Variants in DPYSL2 observed in about 807,000 individuals in gnomAD.
DPYSL2 encodes the protein dihydropyrimidinase like 2.
A neutral mutation model predicts 69.9 loss-of-function variants in DPYSL2; 13 were observed. The observed-to-expected ratio is 0.19, with a 90% CI of 0.12 to 0.30. The LOEUF is 0.30. Ranked by LOEUF, DPYSL2 falls within the 10% of genes least tolerant of loss-of-function variation. The pLI, the probability that DPYSL2 is intolerant of heterozygous loss-of-function variation, is 1.00. For synonymous variants in DPYSL2, 326 were observed against 359.1 expected, an observed-to-expected ratio of 0.91 and a Z score of 1.04; for missense variants, 587 against 918.9, an observed-to-expected ratio of 0.64 and a Z score of 4.67.
At position 26,516,612 on chromosome 8, in the gene DPYSL2, T is replaced by C. The variant is rs1417674749; in HGVS notation, c.354+1933T>C. 6.6e-6 allele frequency among the ~76,000 whole-genome samples: 1 copy of C among 152,204 alleles called. No homozygotes were observed. The highest frequency in any genetic ancestry group is 1.5e-5 in the Non-Finnish European group (1 of 68,036). On this transcript the variant is annotated intron_variant, in intron 1 of 13. Transcript: ENST00000521913. This position sits in a 1 kb window ranked among gnomAD's most constrained non-coding sequence, Gnocchi z 4.8. ...AGCTTAGATATATGAAATTCTAAAT[T>C]GTAAAACTAAGGCACGCAGAGGGGG...
At position 26,647,654 on chromosome 8, in the gene DPYSL2, C is replaced by G; in HGVS notation, c.1450C>G (p.Gln484Glu). The G allele has an allele frequency of 6.2e-7, 1 of 1,613,494 alleles. No individual in the cohort carries two copies. Among genetic ancestry groups the G allele is most frequent in the Non-Finnish European group, 8.5e-7 (1 of 1,179,688 alleles). ...GGTCACTGGGAAGATGGATGAGAAC[C>G]AGTTTGTGGCTGTGACCAGCACCAA... ...AVVTGKMDEN[Q>E]FVAVTSTNAA... Residue 484 changes from glutamine (Q) to glutamate (E), a missense_variant, in exon 11 of 14, where the codon CAG becomes GAG. Transcript: ENST00000521913. This position sits in a 1 kb window ranked among gnomAD's most constrained non-coding sequence, Gnocchi z 5.1.
rs1226282497 is a variant in DPYSL2 at position 26,588,271 on chromosome 8, C to T, written c.628+4288C>T. ...TCACTGAGAGCAGGCGCTGTCTAGG[C>T]GTGGCTGGCGGACTGTGTGCTTTGT... On this transcript the variant is annotated intron_variant, in intron 3 of 13. Transcript: ENST00000521913. The surrounding 1 kb of genome is among the most constrained non-coding windows in gnomAD (Gnocchi z 5.4). Among the ~76,000 whole-genome samples the T allele has an allele frequency of 2.0e-5, 3 of 152,180 alleles. No homozygotes were observed. Among genetic ancestry groups the T allele is most frequent in the African/African-American group, 4.8e-5 (2 of 41,448 alleles).
chr8:26,652,347 A>G lies in DPYSL2; in HGVS notation c.1687A>G (p.Thr563Ala). 1.2e-6 allele frequency: 2 copies of G among 1,614,218 alleles called. No homozygotes were observed. The highest frequency in any genetic ancestry group is 1.7e-6 in the Non-Finnish European group (2 of 1,180,044). The change falls in exon 12 of 14, where the codon ACC becomes GCC. Residue 563 changes from threonine (T) to alanine (A), a missense_variant. This residue lies in a region of DPYSL2 where 452 missense variants were observed against 754.3 expected (regional missense o/e 0.60). Coordinates refer to ENST00000521913, the MANE Select transcript of DPYSL2 (RefSeq NM_001197293.3). This position sits in a 1 kb window ranked among gnomAD's most constrained non-coding sequence, Gnocchi z 6.3. ...GGGGAAGATTGTCCTGGAGGACGGC[A>G]CCCTGCATGTCACCGAAGGCTCTGG... ...SQGKIVLEDG[T>A]LHVTEGSGRY... is the part of the protein sequence containing the mutation.
rs534235420 is a variant in DPYSL2, at chr8:26,638,980, C to T, written c.1126+4080C>T. 3.9e-5 allele frequency among the ~76,000 whole-genome samples: 6 copies of T among 152,320 alleles called. No homozygotes were observed. The South Asian group carries it at 1.2e-3, about 32-fold the overall frequency. Reference sequence around the variant, plus strand: ...GTGGCCGTGGGCAGTGCCTGATGACCTCATCTGATGGACATTCTTTTCCGT... The same window carrying T: ...GTGGCCGTGGGCAGTGCCTGATGACTTCATCTGATGGACATTCTTTTCCGT... On this transcript the variant is annotated intron_variant, in intron 8 of 13. Transcript: ENST00000521913.
chr8:26,537,611 T>TACACATACACACAC (rs1800613761), intron 1 of DPYSL2, among the ~76,000 whole-genome samples: 1 of 147,546 alleles, frequency 6.8e-6, no homozygotes, highest in Admixed American at 6.8e-5. Flanking sequence ...ATTCTCTCTC[T>TACACATACACACAC]ACACACACAC....
intron 3 of DPYSL2, among the ~76,000 whole-genome samples, chr8:26,611,706 A>G (rs41432246): frequency 6.6e-6 from 1 of 152,170 alleles, no homozygotes; most frequent in Non-Finnish European, 1.5e-5. Context: ...ATTGTAACCA[A>G]GTTGGCTCTC....
chr8:26,652,914 T>C lies in DPYSL2; in HGVS notation c.1777-318T>C, dbSNP rs1367122263. ...AGAGAATGCAATTGGAAAGAAAGTTTGGGGCCAGATCTTGAACATGATACC... is the reference window on the plus strand; with the variant it reads ...AGAGAATGCAATTGGAAAGAAAGTTCGGGGCCAGATCTTGAACATGATACC... On this transcript the variant is annotated intron_variant, in intron 12 of 13. Coordinates refer to ENST00000521913, the MANE Select transcript of DPYSL2 (RefSeq NM_001197293.3). This position sits in a 1 kb window ranked among gnomAD's most constrained non-coding sequence, Gnocchi z 6.3. Among the ~76,000 whole-genome samples, 3 of 152,172 alleles carry C rather than the reference T, an allele frequency of 2.0e-5. No individual in the cohort carries two copies.
intron 1 of DPYSL2, among the ~76,000 whole-genome samples, chr8:26,558,126 C>T (rs1039613639): frequency 1.8e-4 from 27 of 152,084 alleles, no homozygotes; most frequent in African/African-American, 6.5e-4. Flanking sequence ...TTATTTCTAA[C>T]AAAAATCTCT....
chr8:26,530,421 C>T (rs985740910), intron 1 of DPYSL2, among the ~76,000 whole-genome samples: 12 of 152,282 alleles, frequency 7.9e-5, no homozygotes, highest in Non-Finnish European at 1.3e-4. Flanking sequence ...ATGGCATTTC[C>T]GTCACATCTT....
chr8:26,622,272 A>G (rs942371686), intron 3 of DPYSL2, among the ~76,000 whole-genome samples: 1 of 151,618 alleles, frequency 6.6e-6, no homozygotes, highest in Non-Finnish European at 1.5e-5. Flanking sequence ...CTACATCAGC[A>G]TTTTACTGAT....
chr8:26,625,233 C>T (rs1802587902), intron 4 of DPYSL2, among the ~76,000 whole-genome samples: 1 of 152,204 alleles, frequency 6.6e-6, no homozygotes, highest in Non-Finnish European at 1.5e-5. Context: ...TTAAACATTT[C>T]TCATATATGA....
intron 1 of DPYSL2, among the ~76,000 whole-genome samples, chr8:26,552,749 T>G (rs1249755862): frequency 6.6e-6 from 1 of 152,174 alleles, no homozygotes; most frequent in African/African-American, 2.4e-5. Context: ...CAATAACCCA[T>G]TAATTGGTTA....
At chr8:26,578,014 TCTC>T (rs1801399009) in intron 1 of DPYSL2, 3 of 1,382,876 alleles carry the variant, frequency 2.2e-6, no homozygotes, top group East Asian at 2.9e-5. Context: ...TCTCTCTCTC[TCTC>T]TTTTTTTTCC....
chr8:26,607,958 T>C (rs552566148), intron 3 of DPYSL2, among the ~76,000 whole-genome samples: 94 of 151,712 alleles, frequency 6.2e-4, no homozygotes, highest in African/African-American at 2.2e-3. Context: ...GCACCTGTAG[T>C]CCTAGCTACT....
intron 1 of DPYSL2, among the ~76,000 whole-genome samples, chr8:26,557,874 A>G (rs1801014706): frequency 6.6e-6 from 1 of 151,800 alleles, no homozygotes; most frequent in South Asian, 2.1e-4. Flanking sequence ...CTGGATTTTC[A>G]TGTGTAGTGG....
chr8:26,581,524 C>A (rs1003202002), intron 1 of DPYSL2, among the ~76,000 whole-genome samples: 3 of 151,984 alleles, frequency 2.0e-5, no homozygotes, highest in Non-Finnish European at 4.4e-5. Context: ...AGGCGCCCAC[C>A]ACCATGCCCA....
Position 26,626,461 on chromosome 8 carries a change from C to A in DPYSL2, c.794-156C>A, listed in dbSNP as rs545132294. Among the ~76,000 whole-genome samples, 31 of 147,788 alleles carry A rather than the reference C, an allele frequency of 2.1e-4. No individual in the cohort carries two copies. In the South Asian group the frequency reaches 6.5e-3, roughly 31 times the overall value. On this transcript the variant is annotated intron_variant, in intron 4 of 13. Transcript: ENST00000521913. The surrounding 1 kb of genome is among the most constrained non-coding windows in gnomAD (Gnocchi z 4.3). ...ACCATTCTGTGTCTCCATTTCTCTC[C>A]TCTCTCTTTCTCTGTACTGAAACAC...
At chr8:26,578,549 C>T (rs1801412190) in intron 1 of DPYSL2, 1 of 1,387,788 alleles carries the variant, frequency 7.2e-7, no homozygotes, top group Non-Finnish European at 9.3e-7. Context: ...GCGCCAGACC[C>T]GGTCTATCTT....
At chr8:26,611,111 C>G (rs1802216077) in intron 3 of DPYSL2, among the ~76,000 whole-genome samples, 1 of 152,146 alleles carries the variant, frequency 6.6e-6, no homozygotes, top group African/African-American at 2.4e-5. Flanking sequence ...GCCCAGGGTC[C>G]TAGAACTAGT....
Sources: gnomAD v4.1 joint callset for allele counts (sites outside exome capture counted in the v4.1 genomes callset) on GRCh38, gnomAD v4.1.1 for gene constraint, gnomAD v4.1.1 regional missense constraint, Gnocchi (gnomAD v3.1) non-coding constraint, MANE v1.5 for transcripts, NCBI Gene and HGNC (gene_info 2026-07-23, HGNC 2026-07-21) for gene names.